The following LARGE1 variants were observed in gnomAD, a reference collection of about 807,000 sequenced individuals.
The protein encoded by LARGE1 is LARGE xylosyl- and glucuronyltransferase 1, also known as xylosyl- and glucuronyltransferase LARGE1.
A neutral mutation model predicts 87.6 loss-of-function variants in LARGE1; 43 were observed. That is an observed-to-expected ratio of 0.49 (90% CI 0.38 to 0.63). The LOEUF is 0.63. LARGE1 is among the 30% of genes least tolerant of loss of function. The pLI is 0.00. For synonymous variants in LARGE1, 434 were observed against 394.6 expected, an observed-to-expected ratio of 1.10 and a Z score of -1.18; for missense variants, 802 against 1,000.2, an observed-to-expected ratio of 0.80 and a Z score of 2.67.
intron 6 of LARGE1, among the ~76,000 whole-genome samples, chr22:33,541,301 T>C (rs905797188): frequency 1.3e-5 from 2 of 152,066 alleles, no homozygotes; most frequent in African/African-American, 4.8e-5. Context: ...GCCGACTTTT[T>C]GACTTTTATG....
At chr22:33,645,195 C>T (rs1366007643) in intron 3 of LARGE1, among the ~76,000 whole-genome samples, 1 of 147,826 alleles carries the variant, frequency 6.8e-6, no homozygotes, top group African/African-American at 2.4e-5. Context: ...GCATGGTACT[C>T]CTACAAGGCT....
chr22:33,699,720 A>G (rs569990953), intron 2 of LARGE1, among the ~76,000 whole-genome samples: 14 of 152,346 alleles, frequency 9.2e-5, no homozygotes, highest in African/African-American at 3.1e-4. Context: ...AGTTCTTTCA[A>G]TAAGCATAAA....
At chr22:33,690,945 A>G (rs930561440) in intron 2 of LARGE1, among the ~76,000 whole-genome samples, 10 of 152,136 alleles carry the variant, frequency 6.6e-5, no homozygotes, top group Non-Finnish European at 1.0e-4. Context: ...GCAGGCGCTC[A>G]TGTGGACCCT....
the LARGE1 span, among the ~76,000 whole-genome samples, chr22:33,141,666 C>A: frequency 6.6e-6 from 1 of 152,126 alleles, no homozygotes; most frequent in African/African-American, 2.4e-5. Flanking sequence ...TGTACATAAA[C>A]TGAGGTTGTT....
chr22:33,195,261 G>A (rs913266035), intron 11 of LARGE1, among the ~76,000 whole-genome samples: 2 of 151,984 alleles, frequency 1.3e-5, no homozygotes, highest in Non-Finnish European at 2.9e-5. Context: ...TAAGACATTT[G>A]GGCATTCCTC....
At chr22:33,894,750 T>G (rs1187678608) in intron 1 of LARGE1, among the ~76,000 whole-genome samples, 2 of 152,086 alleles carry the variant, frequency 1.3e-5, no homozygotes, top group Non-Finnish European at 2.9e-5. Flanking sequence ...GAACCTCATT[T>G]GGTCTCAGTG....
intron 11 of LARGE1, among the ~76,000 whole-genome samples, chr22:33,219,834 T>C (rs1254264570): frequency 2.6e-5 from 4 of 152,070 alleles, no homozygotes; most frequent in African/African-American, 4.8e-5. Context: ...GAGCAGGTAA[T>C]TAGTTTGAAA....
At chr22:33,468,185 T>C (rs1327261916) in intron 6 of LARGE1, among the ~76,000 whole-genome samples, 1 of 152,178 alleles carries the variant, frequency 6.6e-6, no homozygotes, top group East Asian at 1.9e-4. Flanking sequence ...CATTCCTTTG[T>C]TGAGGACTCT....
chr22:33,827,675 C>T (rs573629429), intron 1 of LARGE1, among the ~76,000 whole-genome samples: 13 of 152,224 alleles, frequency 8.5e-5, no homozygotes, highest in African/African-American at 2.6e-4. Flanking sequence ...CTGTTCTTTT[C>T]GAAGAAAAAG....
intron 10 of LARGE1, among the ~76,000 whole-genome samples, chr22:33,334,520 GTGA>G (rs1938197059): frequency 6.6e-6 from 1 of 152,118 alleles, no homozygotes; most frequent in East Asian, 1.9e-4. Flanking sequence ...CAAAGTTTCT[GTGA>G]TGTCACAGCT....
At chr22:33,110,797 C>T in the LARGE1 span, among the ~76,000 whole-genome samples, 1 of 152,134 alleles carries the variant, frequency 6.6e-6, no homozygotes, top group Non-Finnish European at 1.5e-5. Context: ...TTTTGGCATT[C>T]TGTTGTAGTG....
At chr22:33,803,382 C>A (rs980010251) in intron 1 of LARGE1, among the ~76,000 whole-genome samples, 4 of 152,166 alleles carry the variant, frequency 2.6e-5, no homozygotes, top group Non-Finnish European at 5.9e-5. Context: ...CTAAGGCAAA[C>A]TGGAGTTTTA....
chr22:33,536,237 G>A (rs905726201), intron 6 of LARGE1, among the ~76,000 whole-genome samples: 5 of 152,194 alleles, frequency 3.3e-5, no homozygotes, highest in South Asian at 2.1e-4. Flanking sequence ...AGAACAGAAC[G>A]AAAGGGCATG....
chr22:33,597,954 C>A (rs1184312400), intron 5 of LARGE1, among the ~76,000 whole-genome samples: 1 of 152,182 alleles, frequency 6.6e-6, no homozygotes, highest in African/African-American at 2.4e-5. Context: ...TCCCCCTCCT[C>A]AGCAGCATCC....
At chr22:33,156,018 G>A in the LARGE1 span, among the ~76,000 whole-genome samples, 1 of 152,174 alleles carries the variant, frequency 6.6e-6, no homozygotes, top group Admixed American at 6.5e-5. Flanking sequence ...GTGCACAGAA[G>A]TCAAAAAATG....
chr22:33,145,957 A>G, the LARGE1 span, among the ~76,000 whole-genome samples: 5 of 152,292 alleles, frequency 3.3e-5, no homozygotes, highest in Admixed American at 6.5e-5. Flanking sequence ...ACAATAAAAC[A>G]GGGAGAGAGA....
intron 9 of LARGE1, among the ~76,000 whole-genome samples, chr22:33,364,129 A>G (rs1305258800): frequency 6.6e-6 from 1 of 151,434 alleles, no homozygotes; most frequent in East Asian, 1.9e-4. Context: ...ATCTCGGCTC[A>G]CTGCAAACTC....
chr22:33,545,033 T>C (rs73882249), intron 6 of LARGE1, among the ~76,000 whole-genome samples: 3,884 of 152,140 alleles, frequency 0.026, 87 homozygotes, highest in African/African-American at 0.067. Context: ...ACTACCACAG[T>C]AGAACACAAA....
intron 9 of LARGE1, among the ~76,000 whole-genome samples, chr22:33,342,155 G>A (rs1939220388): frequency 6.6e-6 from 1 of 152,192 alleles, no homozygotes; most frequent in Admixed American, 6.5e-5. Flanking sequence ...ATAATTGCAT[G>A]TGGGCTGGTG....
Sources: allele counts gnomAD v4.1 joint callset (sites outside exome capture counted in the v4.1 genomes callset), GRCh38; gene constraint gnomAD v4.1.1; transcripts MANE v1.5; gene names NCBI Gene and HGNC (gene_info 2026-07-23, HGNC 2026-07-21).